Variants in GOLM2 observed in about 807,000 individuals in gnomAD.
GOLM2 encodes the protein protein GOLM2.
GOLM2 carries 26 observed loss-of-function variants against 55.9 expected under a neutral mutation model. The ratio of observed to expected loss-of-function variants is 0.47; its 90% CI spans 0.34 to 0.65. The LOEUF is 0.65. Among genes scored for constraint, GOLM2 ranks in the 30% least tolerant of loss-of-function variants. The pLI, the probability that GOLM2 is intolerant of heterozygous loss-of-function variation, is 0.01. For synonymous variants in GOLM2, 165 were observed against 194.6 expected (o/e 0.85, Z 1.27); for missense variants, 486 against 531.8 (o/e 0.91, Z 0.85).
intron 6 of GOLM2, 144 bp from the exon 7 acceptor site, chr15:44,379,546 A>T (rs2079387503): frequency 4.9e-6 from 3 of 615,008 alleles, no homozygotes; most frequent in Non-Finnish European, 8.5e-6. Context: ...ATAAATTAGC[A>T]TACCAACTAT....
intron 6 of GOLM2, among the ~76,000 whole-genome samples, chr15:44,349,888 G>T (rs1416072528): frequency 1.3e-5 from 2 of 152,280 alleles, no homozygotes; most frequent in Middle Eastern, 3.4e-3. Flanking sequence ...ATGCTCCTGA[G>T]TCACTAGTGG....
chr15:44,394,279 G>A (rs971482636), intron 8 of GOLM2, among the ~76,000 whole-genome samples: 3 of 152,188 alleles, frequency 2.0e-5, no homozygotes, highest in African/African-American at 7.2e-5. Context: ...CAGGGTTTGA[G>A]CAACCACGGA....
At chr15:44,388,370 A>G in intron 8 of GOLM2, among the ~76,000 whole-genome samples, 1 of 151,302 alleles carries the variant, frequency 6.6e-6, no homozygotes, top group Non-Finnish European at 1.5e-5. Flanking sequence ...AATTTATTTT[A>G]TTTTAGTTAT....
chr15:44,399,923 A>G (rs141203954), intron 8 of GOLM2, among the ~76,000 whole-genome samples: 4,415 of 151,646 alleles, frequency 0.029, 102 homozygotes, highest in East Asian at 0.1. Flanking sequence ...TGAACCCAGG[A>G]GGTGGAGGTT....
chr15:44,327,292 C>T (rs141661510), intron 2 of GOLM2, among the ~76,000 whole-genome samples: 2 of 151,148 alleles, frequency 1.3e-5, no homozygotes, highest in African/African-American at 2.4e-5. Flanking sequence ...TGGTGGCTCA[C>T]GTCTGTAATC....
chr15:44,383,715 AC>A (rs2079421079), intron 8 of GOLM2, among the ~76,000 whole-genome samples: 2 of 132,866 alleles, frequency 1.5e-5, no homozygotes, highest in East Asian at 4.3e-4. Context: ...TCACTCTATC[AC>A]CCAGGCTTGG....
intron 3 of GOLM2, among the ~76,000 whole-genome samples, chr15:44,329,181 G>A (rs1165591419): frequency 6.6e-6 from 1 of 152,172 alleles, no homozygotes; most frequent in Non-Finnish European, 1.5e-5. Flanking sequence ...ACTGAGTGCC[G>A]GCTGCTCTTC....
chr15:44,389,757 C>T (rs1012371464), intron 8 of GOLM2, among the ~76,000 whole-genome samples: 1 of 152,200 alleles, frequency 6.6e-6, no homozygotes, highest in Non-Finnish European at 1.5e-5. Context: ...TCATAGCTCA[C>T]TACAACCTTG....
intron 1 of GOLM2, among the ~76,000 whole-genome samples, chr15:44,317,375 T>C (rs189766691): frequency 1.3e-5 from 2 of 152,098 alleles, no homozygotes; most frequent in African/African-American, 4.8e-5. Flanking sequence ...AGACCCTGTC[T>C]CAAAAAAAGT....
chr15:44,349,980 A>T (rs1016883648), intron 6 of GOLM2, among the ~76,000 whole-genome samples: 3 of 152,238 alleles, frequency 2.0e-5, no homozygotes, highest in African/African-American at 7.2e-5. Context: ...ATCCTGTGGG[A>T]TACAGCGAAA....
At chr15:44,296,665 C>A (rs2078758693) in intron 1 of GOLM2, among the ~76,000 whole-genome samples, 1 of 152,074 alleles carries the variant, frequency 6.6e-6, no homozygotes, top group Non-Finnish European at 1.5e-5. Flanking sequence ...GCCTTTTTTC[C>A]AGGATGGGAC....
Position 44,379,483 on chromosome 15 carries a change from CA to C in GOLM2, c.803-196del, listed in dbSNP as rs879885605. On this transcript the variant is annotated intron_variant, in intron 6 of 9. Coordinates refer to ENST00000299957, the MANE Select transcript of GOLM2 (RefSeq NM_138423.4). ...ACAGGGCAAGACTCTGTCCCCCCAC[CA>C]AAAAAAAAAATTCTGTGATGAATGG... Among the ~76,000 whole-genome samples the C allele has an allele frequency of 9.1e-4, 129 of 142,298 alleles. 2 individuals carry two copies. The highest frequency in any genetic ancestry group is 4.8e-4 in the Non-Finnish European group (31 of 64,830). The allele number at this position is 142,298 out of a possible 152,430, so 93.4% of individuals were successfully genotyped here.
Position 44,333,084 on chromosome 15 carries a change from C to T in GOLM2, c.576+1006C>T, listed in dbSNP as rs553897681. 3.9e-5 allele frequency among the ~76,000 whole-genome samples: 6 copies of T among 152,276 alleles called. No homozygotes were observed. In the South Asian group the frequency reaches 8.3e-4, roughly 21 times the overall value. ...AGTAGCTCGGACTACAGGCGCCTGC[C>T]ACCACGCCCGGCTAATTTTTTGTAT... is the stretch of plus-strand genomic sequence containing the variant. On this transcript the variant is annotated intron_variant, in intron 4 of 9. Transcript: ENST00000299957.
At chr15:44,340,282 A>ATT (rs2079082739) in intron 6 of GOLM2, among the ~76,000 whole-genome samples, 1 of 151,384 alleles carries the variant, frequency 6.6e-6, no homozygotes, top group African/African-American at 2.4e-5. Context: ...AATTACATAT[A>ATT]TTTTTTTCAG....
chr15:44,392,621 C>CA lies in GOLM2; in HGVS notation c.1073-10249dup, dbSNP rs1348742634. The stretch of plus-strand genomic sequence containing the variant: ...CTGGTGACAAAGCGAGACTCGGTCT[C>CA]AAAAAAAAAAAAAAAAATTCTGAAC... On this transcript the variant is annotated intron_variant, in intron 8 of 9. Transcript: ENST00000299957. Among the ~76,000 whole-genome samples, 477 of 73,106 alleles carry CA rather than the reference C, an allele frequency of 6.5e-3. 2 individuals carry two copies. Among genetic ancestry groups the CA allele is most frequent in the Middle Eastern group, 0.032 (3 of 94 alleles). 48.0% of individuals were successfully genotyped at this position (73,106 alleles called of 152,430 possible). A position where few individuals can be genotyped will look rare whatever the true frequency, so the allele number is the denominator to read the frequency against.
At chr15:44,369,101 A>ATAT (rs2079310146) in intron 6 of GOLM2, among the ~76,000 whole-genome samples, 1 of 100,300 alleles carries the variant, frequency 1.0e-5, no homozygotes, top group African/African-American at 3.6e-5. Context: ...ATATATATAT[A>ATAT]TATATATATA....
chr15:44,301,543 C>G lies in GOLM2; in HGVS notation c.327+12187C>G, dbSNP rs150455144. On this transcript the variant is annotated intron_variant, in intron 1 of 9. Coordinates refer to ENST00000299957, the MANE Select transcript of GOLM2 (RefSeq NM_138423.4). ...GGTATACATTGACTATGGAACTTAC[C>G]CTTGAGCAGGGGCTATGAGGGGAAG... 1.5e-3 allele frequency among the ~76,000 whole-genome samples: 235 copies of G among 151,984 alleles called. 5 individuals carry two copies. The East Asian group carries it at 0.04, about 26-fold the overall frequency.
At chr15:44,368,056 T>G (rs2079298200) in intron 6 of GOLM2, among the ~76,000 whole-genome samples, 2 of 152,082 alleles carry the variant, frequency 1.3e-5, no homozygotes, top group South Asian at 4.1e-4. Flanking sequence ...ATTTCAGCAT[T>G]TATTCAGATC....
intron 9 of GOLM2, among the ~76,000 whole-genome samples, chr15:44,407,814 T>C (rs1355277255): frequency 1.3e-5 from 2 of 151,062 alleles, no homozygotes; most frequent in South Asian, 2.1e-4. Flanking sequence ...TACAATGGCG[T>C]AATCTCAGCT....
Sources: gnomAD v4.1 joint callset for allele counts (sites outside exome capture counted in the v4.1 genomes callset) on GRCh38, gnomAD v4.1.1 for gene constraint, MANE v1.5 for transcripts, NCBI Gene and HGNC (gene_info 2026-07-23, HGNC 2026-07-21) for gene names.